The following RANBP2 variants were observed in gnomAD, a reference collection of about 807,000 sequenced individuals.
RANBP2 encodes RAN binding protein 2, also known as E3 SUMO-protein ligase RanBP2.
In RANBP2, 57 loss-of-function variants were observed where a neutral mutation model predicts 303.6. The observed-to-expected ratio is 0.19, with a 90% CI of 0.15 to 0.23. The LOEUF (loss-of-function observed/expected upper bound fraction) is 0.23. RANBP2 is among the 10% of genes least tolerant of loss of function. The probability of loss-of-function intolerance (pLI) is 1.00; values close to 1 mark genes in which losing one functional copy is unlikely to be tolerated. For missense variants in RANBP2, 3,138 were observed against 3,780.8 expected (o/e 0.83, Z 4.46); for synonymous variants, 1,167 against 1,301.5 (o/e 0.90, Z 2.23).
At chr2:108,819,166 G>A in the RANBP2 span, among the ~76,000 whole-genome samples, 149 of 152,304 alleles carry the variant, frequency 9.8e-4, no homozygotes, top group African/African-American at 3.4e-3. Context: ...GGACATGTTA[G>A]TGAGAATTAT....
At chr2:109,684,615 C>A in the RANBP2 span, among the ~76,000 whole-genome samples, 1 of 148,490 alleles carries the variant, frequency 6.7e-6, no homozygotes, top group East Asian at 2.0e-4. Context: ...CTCACTGCAG[C>A]CTCTGTCTCC....
At chr2:109,645,063 G>A in the RANBP2 span, among the ~76,000 whole-genome samples, 6 of 152,298 alleles carry the variant, frequency 3.9e-5, no homozygotes, top group African/African-American at 9.6e-5. Context: ...GGATTCACAA[G>A]CCAGCGGGAT....
chr2:109,613,684 A>T, the RANBP2 span: 1 of 680,574 alleles, frequency 1.5e-6, no homozygotes, highest in Non-Finnish European at 2.0e-6. Context: ...GCGGGGCCGG[A>T]GGGGGCGCGG....
chr2:109,215,106 A>G, the RANBP2 span, among the ~76,000 whole-genome samples: 1 of 152,210 alleles, frequency 6.6e-6, no homozygotes, highest in African/African-American at 2.4e-5. Context: ...ACTAACCTCC[A>G]TACACATCAC....
At chr2:109,331,372 C>G in the RANBP2 span, among the ~76,000 whole-genome samples, 2 of 152,138 alleles carry the variant, frequency 1.3e-5, no homozygotes, top group African/African-American at 4.8e-5. Context: ...CTCCCCTTCT[C>G]TCTCTCCCCT....
intron 23 of RANBP2, among the ~76,000 whole-genome samples, chr2:108,773,712 T>A (rs1463394965): frequency 6.6e-6 from 1 of 151,630 alleles, no homozygotes; most frequent in Non-Finnish European, 1.5e-5. Flanking sequence ...AGTGGGGCGA[T>A]CTCTGCTCGC....
the RANBP2 span, among the ~76,000 whole-genome samples, chr2:108,890,992 T>C: frequency 2.0e-5 from 3 of 152,212 alleles, no homozygotes; most frequent in Non-Finnish European, 4.4e-5. Flanking sequence ...AATGAATTCT[T>C]CAGTTCTGGA....
At chr2:109,740,239 G>A in the RANBP2 span, among the ~76,000 whole-genome samples, 3 of 151,840 alleles carry the variant, frequency 2.0e-5, no homozygotes, top group East Asian at 1.9e-4. Flanking sequence ...CGCCTGCCTC[G>A]GCCTCCCAAA....
At chr2:109,281,972 G>A in the RANBP2 span, among the ~76,000 whole-genome samples, 147 of 152,212 alleles carry the variant, frequency 9.7e-4, 1 homozygote, top group Middle Eastern at 6.8e-3. Flanking sequence ...CCCAATGGCC[G>A]AGCGCTGGGC....
chr2:108,981,728 C>T, the RANBP2 span, among the ~76,000 whole-genome samples: 1 of 152,202 alleles, frequency 6.6e-6, no homozygotes, highest in African/African-American at 2.4e-5. Context: ...GCTCTCATTT[C>T]TGAACGAGCC....
At chr2:108,872,101 G>GT in the RANBP2 span, among the ~76,000 whole-genome samples, 57 of 152,254 alleles carry the variant, frequency 3.7e-4, no homozygotes, top group African/African-American at 1.4e-3. Flanking sequence ...TGACTGAGTG[G>GT]TTTTTAATCT....
the RANBP2 span, among the ~76,000 whole-genome samples, chr2:109,570,877 A>C: frequency 6.6e-6 from 1 of 152,176 alleles, no homozygotes; most frequent in African/African-American, 2.4e-5. Context: ...ATGCAAGGAT[A>C]CAAGTAGGTT....
the RANBP2 span, among the ~76,000 whole-genome samples, chr2:109,025,903 A>T: frequency 5.3e-5 from 8 of 152,066 alleles, no homozygotes; most frequent in African/African-American, 1.9e-4. Flanking sequence ...TTTCACAGAG[A>T]TGGGGGACGA....
At chr2:109,622,301 G>A in the RANBP2 span, among the ~76,000 whole-genome samples, 24 of 152,322 alleles carry the variant, frequency 1.6e-4, no homozygotes, top group East Asian at 4.4e-3. Context: ...TTTGTGGGAA[G>A]CCCTAGTGGT....
At chr2:109,393,951 G>C in the RANBP2 span, among the ~76,000 whole-genome samples, 1 of 151,880 alleles carries the variant, frequency 6.6e-6, no homozygotes, top group Admixed American at 6.6e-5. Context: ...TGGCGCTGTC[G>C]TGGACCCAGC....
chr2:109,531,718 C>G, the RANBP2 span, among the ~76,000 whole-genome samples: 1 of 152,204 alleles, frequency 6.6e-6, no homozygotes, highest in Admixed American at 6.5e-5. Flanking sequence ...TACCACAGGG[C>G]TCTGTCACGT....
chr2:109,613,505 G>A, the RANBP2 span: 2 of 239,362 alleles, frequency 8.4e-6, no homozygotes, highest in Admixed American at 4.9e-5. Flanking sequence ...AAACACCGCT[G>A]TGGATGTAAC....
intron 18 of RANBP2, among the ~76,000 whole-genome samples, chr2:108,761,847 C>T (rs191350543): frequency 1.3e-5 from 2 of 152,160 alleles, no homozygotes; most frequent in Admixed American, 1.3e-4. Context: ...TTTTTTAATG[C>T]TTGTGAGGTA....
chr2:109,314,603 A>G, the RANBP2 span, among the ~76,000 whole-genome samples: 1 of 152,186 alleles, frequency 6.6e-6, no homozygotes, highest in African/African-American at 2.4e-5. Context: ...CTTAATTTGC[A>G]TGTGTCTGTC....
Sources: allele counts gnomAD v4.1 joint callset (sites outside exome capture counted in the v4.1 genomes callset), GRCh38; gene constraint gnomAD v4.1.1; transcripts MANE v1.5; gene names NCBI Gene and HGNC (gene_info 2026-07-23, HGNC 2026-07-21).